The following ATP11A variants were observed in gnomAD, a reference collection of about 807,000 sequenced individuals.
ATP11A encodes the protein phospholipid-transporting ATPase IH.
Under a neutral mutation model 154.4 loss-of-function variants are expected in ATP11A, and 81 were observed. The observed-to-expected ratio is 0.52, with a 90% CI of 0.44 to 0.63. ATP11A has a LOEUF of 0.63. ATP11A is among the 30% of genes least tolerant of loss of function. The pLI, the probability that ATP11A is intolerant of heterozygous loss-of-function variation, is 0.00. For synonymous variants in ATP11A, 623 were observed against 585.9 expected, an observed-to-expected ratio of 1.06 and a Z score of -0.91; for missense variants, 1,316 against 1,474.3, an observed-to-expected ratio of 0.89 and a Z score of 1.76.
intron 29 of ATP11A, chr13:112,880,430 A>C: frequency 2.2e-6 from 2 of 929,826 alleles, no homozygotes; most frequent in Non-Finnish European, 2.8e-6. Flanking sequence ...GCAGACTCCA[A>C]CAGGGGCTTC....
At chr13:112,855,882 C>A in intron 19 of ATP11A, 29 bp from the exon 20 acceptor site, 2 of 1,565,228 alleles carry the variant, frequency 1.3e-6, no homozygotes, top group South Asian at 1.2e-5. Flanking sequence ...AGTGATTGAG[C>A]AATCTTTCTG....
rs1451891194 is a variant in ATP11A at position 112,885,861 on chromosome 13, T to C, written c.*3995T>C. ...CCCTCCTGGCAGAATGTCTGGGCTT[T>C]GCAGAGCAGGCCCCGGGGGTGAAGT... On this transcript the variant is annotated 3_prime_UTR_variant, in exon 30 of 30. Coordinates refer to ENST00000375645, the MANE Select transcript of ATP11A (RefSeq NM_015205.3). The C allele has an allele frequency of 6.6e-6, 1 of 152,272 alleles. No homozygotes were observed. Among genetic ancestry groups the C allele is most frequent in the Non-Finnish European group, 1.5e-5 (1 of 68,112 alleles). 9.4% of individuals were successfully genotyped at this position (152,272 alleles called of 1,614,324 possible). A position where few individuals can be genotyped will look rare whatever the true frequency, so the allele number is the denominator to read the frequency against.
At chr13:112,716,133 T>G (rs1888433492) in intron 1 of ATP11A, among the ~76,000 whole-genome samples, 1 of 152,158 alleles carries the variant, frequency 6.6e-6, no homozygotes, top group African/African-American at 2.4e-5. Flanking sequence ...CCTGGTCCTC[T>G]GGCCTTCTGC....
intron 1 of ATP11A, among the ~76,000 whole-genome samples, chr13:112,743,763 TAC>T (rs1891811577): frequency 6.6e-6 from 1 of 152,254 alleles, no homozygotes; most frequent in African/African-American, 2.4e-5. Context: ...AGGTAACCTA[TAC>T]AGCTTCAGGA....
Position 112,806,231 on chromosome 13 carries a change from A to G in ATP11A, c.271A>G (p.Thr91Ala), listed in dbSNP as rs1254712910. The G allele has an allele frequency of 4.3e-6, 7 of 1,613,372 alleles. No homozygotes were observed. The highest frequency in any genetic ancestry group is 1.7e-5 in the Admixed American group (1 of 59,850). ...TCTGCAGTTGATTATTGATACACCCACAAGTCCAGTGACAAGCGGACTTCC... is the reference window on the plus strand; with the variant it reads ...TCTGCAGTTGATTATTGATACACCCGCAAGTCCAGTGACAAGCGGACTTCC... Reference protein sequence around the residue: ...FLVQLIIDTPTSPVTSGLPLF... With the variant: ...FLVQLIIDTPASPVTSGLPLF... The change falls in exon 4 of 30, where the codon ACA becomes GCA. Residue 91 changes from threonine to alanine, a missense_variant. Physicochemically the swap from Thr to Ala is moderately conservative, Grantham distance 58 (BLOSUM62 0). Transcript: ENST00000375645.
At chr13:112,734,179 A>C (rs1890770748) in intron 1 of ATP11A, among the ~76,000 whole-genome samples, 1 of 152,144 alleles carries the variant, frequency 6.6e-6, no homozygotes, top group Non-Finnish European at 1.5e-5. Context: ...TTGAGAAACT[A>C]AGCCCTCTGG....
At chr13:112,698,011 A>AGCCCCT (rs1239058661) in intron 1 of ATP11A, among the ~76,000 whole-genome samples, 1 of 150,196 alleles carries the variant, frequency 6.7e-6, no homozygotes, top group African/African-American at 2.5e-5. Flanking sequence ...TTCTCAAGGG[A>AGCCCCT]GCCCCTGCCC....
At chr13:112,718,766 G>A (rs11617742) in intron 1 of ATP11A, among the ~76,000 whole-genome samples, 26,425 of 151,670 alleles carry the variant, frequency 0.17, 2,737 homozygotes, top group Middle Eastern at 0.23. Flanking sequence ...CGCCTCCCAG[G>A]TTCAAGGGAT....
intron 1 of ATP11A, among the ~76,000 whole-genome samples, chr13:112,740,649 G>T (rs1891456205): frequency 6.6e-6 from 1 of 152,224 alleles, no homozygotes; most frequent in African/African-American, 2.4e-5. Flanking sequence ...GGGCTTTGTA[G>T]CTCTCAGCAG....
chr13:112,871,897 CT>C, intron 26 of ATP11A, 97 bp downstream of exon 26: 1 of 1,318,408 alleles, frequency 7.6e-7, no homozygotes, highest in Non-Finnish European at 1.1e-6. Flanking sequence ...TAACTCTGTA[CT>C]GAGGCTGGAA....
intron 9 of ATP11A, among the ~76,000 whole-genome samples, chr13:112,823,917 G>T (rs972960318): frequency 6.6e-6 from 1 of 152,188 alleles, no homozygotes; most frequent in African/African-American, 2.4e-5. Flanking sequence ...ACGCATGTCT[G>T]CCCCTGTAGT....
At chr13:112,862,664 G>A (rs2080148411) in intron 25 of ATP11A, 89 bp downstream of exon 25, 4 of 1,563,592 alleles carry the variant, frequency 2.6e-6, no homozygotes, top group Non-Finnish European at 3.5e-6. Context: ...GCAGAATTCA[G>A]TGCAGCCCAT....
rs114536218 is a variant in ATP11A at position 112,757,165 on chromosome 13, C to T, written c.40-27970C>T. Among the ~76,000 whole-genome samples the T allele has an allele frequency of 9.4e-3, 1,434 of 152,298 alleles. 23 individuals carry two copies. Among genetic ancestry groups the T allele is most frequent in the African/African-American group, 0.032 (1,336 of 41,550 alleles). ...ATGCAAGCTCGTGGATTTAGGGAGT[C>T]CAGCCTACGAGAATGGCCGCCTGTG... On this transcript the variant is annotated intron_variant, in intron 1 of 29. Coordinates refer to ENST00000375645, the MANE Select transcript of ATP11A (RefSeq NM_015205.3).
intron 1 of ATP11A, among the ~76,000 whole-genome samples, chr13:112,716,108 G>C (rs1250937755): frequency 1.3e-5 from 2 of 152,150 alleles, no homozygotes; most frequent in African/African-American, 4.8e-5. Context: ...CCCGGTGGCT[G>C]CTCCGTCTTC....
At chr13:112,873,918 T>C (rs1395431003) in intron 27 of ATP11A, among the ~76,000 whole-genome samples, 1 of 152,108 alleles carries the variant, frequency 6.6e-6, no homozygotes, top group Non-Finnish European at 1.5e-5. Context: ...TAACAGCTTG[T>C]GACGAGTTAT....
At chr13:112,714,081 G>C (rs12016703) in intron 1 of ATP11A, among the ~76,000 whole-genome samples, 1,703 of 18,284 alleles carry the variant, frequency 0.093, no homozygotes, top group Middle Eastern at 0.14. Flanking sequence ...CCACTCCCCC[G>C]ACCCCTGGTC....
intron 6 of ATP11A, among the ~76,000 whole-genome samples, chr13:112,819,002 G>A (rs2078722137): frequency 6.6e-6 from 1 of 152,236 alleles, no homozygotes; most frequent in Non-Finnish European, 1.5e-5. Flanking sequence ...TCCTGGATTT[G>A]TTTCCTAATT....
intron 22 of ATP11A, 150 bp downstream of exon 22, chr13:112,858,440 G>C: frequency 1.2e-6 from 1 of 805,970 alleles, no homozygotes; most frequent in Non-Finnish European, 1.8e-6. Flanking sequence ...TCTGATTGCA[G>C]TCATCTCTTG....
chr13:112,861,160 A>G (rs1373452481), intron 24 of ATP11A, among the ~76,000 whole-genome samples: 1 of 152,146 alleles, frequency 6.6e-6, no homozygotes, highest in Non-Finnish European at 1.5e-5. Flanking sequence ...CTTAGTCACT[A>G]TTACGAGAAC....
Sources: gnomAD v4.1 joint callset for allele counts (sites outside exome capture counted in the v4.1 genomes callset) on GRCh38, gnomAD v4.1.1 for gene constraint, MANE v1.5 for transcripts, NCBI Gene and HGNC (gene_info 2026-07-23, HGNC 2026-07-21) for gene names.